The following PRICKLE2 variants were observed in gnomAD, a reference collection of about 807,000 sequenced individuals.
PRICKLE2 encodes prickle-like protein 2.
Under a neutral mutation model 81.4 loss-of-function variants are expected in PRICKLE2, and 21 were observed. The ratio of observed to expected loss-of-function variants is 0.26; its 90% confidence interval spans 0.18 to 0.37. The LOEUF is 0.37. Among genes scored for constraint, PRICKLE2 ranks in the 10% least tolerant of loss-of-function variants. The probability of loss-of-function intolerance (pLI) is 1.00; values close to 1 mark genes in which losing one functional copy is unlikely to be tolerated. For synonymous variants in PRICKLE2, 456 were observed against 421.5 expected, an observed-to-expected ratio of 1.08 and a Z score of -1.00; for missense variants, 940 against 1,109.0, an observed-to-expected ratio of 0.85 and a Z score of 2.16.
intron 2 of PRICKLE2, among the ~76,000 whole-genome samples, chr3:64,257,076 C>CAA (rs1381891335): frequency 2.6e-5 from 4 of 152,206 alleles, no homozygotes; most frequent in Non-Finnish European, 5.9e-5. Context: ...ACATGATATT[C>CAA]AACACATCAT....
chr3:64,113,875 A>G (rs2076891408), intron 7 of PRICKLE2, among the ~76,000 whole-genome samples: 1 of 152,072 alleles, frequency 6.6e-6, no homozygotes. Context: ...ACAACCACAC[A>G]CATAATCTCC....
intron 2 of PRICKLE2, among the ~76,000 whole-genome samples, chr3:64,165,940 GA>G (rs1241800020): frequency 6.6e-6 from 1 of 151,152 alleles, no homozygotes; most frequent in African/African-American, 2.4e-5. Context: ...GACTTCAGGG[GA>G]AAAATGGCAA....
rs935718783 is a variant in PRICKLE2, at chr3:64,092,660, C to A, written c.*6391G>T. The A allele has an allele frequency of 2.0e-5, 3 of 152,202 alleles. No individual in the cohort carries two copies. Among genetic ancestry groups the A allele is most frequent in the Non-Finnish European group, 2.9e-5 (2 of 68,038 alleles). The allele number at this position is 152,202 out of a possible 1,614,324, so 9.4% of individuals were successfully genotyped here. A position where few individuals can be genotyped will look rare whatever the true frequency, so the allele number is the denominator to read the frequency against. On this transcript the variant is annotated 3_prime_UTR_variant, in exon 8 of 8. Coordinates refer to ENST00000638394, the MANE Select transcript of PRICKLE2 (RefSeq NM_198859.4). Reference sequence around the variant, plus strand: ...TGGATGTAATTCTCCAGACAGACCACTTATTATTTGCTTAAAAGCAAACAC... The same window carrying A: ...TGGATGTAATTCTCCAGACAGACCAATTATTATTTGCTTAAAAGCAAACAC...
chr3:64,134,625 A>C (rs932082094), intron 7 of PRICKLE2, among the ~76,000 whole-genome samples: 4 of 148,302 alleles, frequency 2.7e-5, no homozygotes, highest in Non-Finnish European at 4.6e-5. Flanking sequence ...CAAACTTCGA[A>C]GTGTTCCCTG....
intron 2 of PRICKLE2, among the ~76,000 whole-genome samples, chr3:64,178,963 T>TTTTCTC (rs2078069833): frequency 9.0e-6 from 1 of 110,994 alleles, no homozygotes; most frequent in Non-Finnish European, 1.9e-5. Flanking sequence ...AACATACATA[T>TTTTCTC]TTTCTTTCTT....
chr3:64,159,889 G>A (rs765183537), intron 4 of PRICKLE2, 51 bp downstream of exon 4: 2 of 1,610,900 alleles, frequency 1.2e-6, no homozygotes, highest in Admixed American at 1.7e-5. Flanking sequence ...GAATGAATGG[G>A]TGAAAAGATG....
chr3:64,252,475 T>C (rs2079462095), intron 2 of PRICKLE2, among the ~76,000 whole-genome samples: 2 of 152,190 alleles, frequency 1.3e-5, no homozygotes, highest in African/African-American at 4.8e-5. Flanking sequence ...AACAGAGTAC[T>C]GGGCATGAGC....
chr3:64,113,703 G>A (rs772680698), intron 7 of PRICKLE2, among the ~76,000 whole-genome samples: 3 of 152,142 alleles, frequency 2.0e-5, no homozygotes, highest in Non-Finnish European at 4.4e-5. Flanking sequence ...CATAAAGCCA[G>A]CAAGCCCTGC....
intron 2 of PRICKLE2, among the ~76,000 whole-genome samples, chr3:64,244,498 C>A (rs1327882004): frequency 6.6e-6 from 1 of 151,986 alleles, no homozygotes; most frequent in Non-Finnish European, 1.5e-5. Context: ...TTTTCAATTA[C>A]CCTGGATTTA....
At chr3:64,252,503 C>T (rs897041319) in intron 2 of PRICKLE2, among the ~76,000 whole-genome samples, 3 of 152,172 alleles carry the variant, frequency 2.0e-5, no homozygotes, top group African/African-American at 7.2e-5. Context: ...ATCCCAACAT[C>T]GATTCTTTAC....
At chr3:64,192,213 G>A (rs2078356392) in intron 2 of PRICKLE2, among the ~76,000 whole-genome samples, 1 of 152,144 alleles carries the variant, frequency 6.6e-6, no homozygotes, top group Non-Finnish European at 1.5e-5. Context: ...TTCTACAGAG[G>A]ACCCCTGCCG....
intron 7 of PRICKLE2, among the ~76,000 whole-genome samples, chr3:64,117,558 T>C (rs1009640760): frequency 1.3e-4 from 20 of 151,892 alleles, no homozygotes; most frequent in African/African-American, 4.1e-4. Context: ...ATACCAACAA[T>C]AGTCAAGCCA....
intron 3 of PRICKLE2, among the ~76,000 whole-genome samples, chr3:64,161,323 T>C (rs2077729955): frequency 6.6e-6 from 1 of 152,238 alleles, no homozygotes; most frequent in Admixed American, 6.5e-5. Flanking sequence ...TCCCGTCTCC[T>C]GTTATACTTT....
chr3:64,156,817 A>T (rs147041324), intron 5 of PRICKLE2, among the ~76,000 whole-genome samples: 154 of 152,296 alleles, frequency 1.0e-3, no homozygotes, highest in African/African-American at 3.5e-3. Context: ...TTATTCCATG[A>T]GATTAGGGTT....
At chr3:64,149,901 G>C (rs2077516804) in intron 6 of PRICKLE2, among the ~76,000 whole-genome samples, 1 of 151,766 alleles carries the variant, frequency 6.6e-6, no homozygotes, top group Non-Finnish European at 1.5e-5. Flanking sequence ...TATAGGGATA[G>C]GAGCAGCCAC....
At chr3:64,188,781 C>A (rs182933351) in intron 2 of PRICKLE2, among the ~76,000 whole-genome samples, 139 of 152,284 alleles carry the variant, frequency 9.1e-4, no homozygotes, top group Admixed American at 3.6e-3. Flanking sequence ...ACCTATTGTC[C>A]AATGCCTGCT....
At chr3:64,140,050 G>A (rs1190256796) in intron 7 of PRICKLE2, among the ~76,000 whole-genome samples, 2 of 152,184 alleles carry the variant, frequency 1.3e-5, no homozygotes, top group African/African-American at 4.8e-5. Context: ...CCTTGCATAG[G>A]TGGCACCTAC....
chr3:64,263,255 C>T (rs1018726889), intron 2 of PRICKLE2, among the ~76,000 whole-genome samples: 2 of 152,204 alleles, frequency 1.3e-5, no homozygotes, highest in Non-Finnish European at 2.9e-5. Flanking sequence ...AAAGTGCCTT[C>T]TTGGACATTA....
intron 2 of PRICKLE2, among the ~76,000 whole-genome samples, chr3:64,259,300 C>T (rs2079582307): frequency 6.6e-6 from 1 of 152,068 alleles, no homozygotes; most frequent in Non-Finnish European, 1.5e-5. Flanking sequence ...CTAAGTGCAC[C>T]ACAAGTTTTA....
Sources: allele counts gnomAD v4.1 joint callset (sites outside exome capture counted in the v4.1 genomes callset), GRCh38; gene constraint gnomAD v4.1.1; transcripts MANE v1.5; gene names NCBI Gene and HGNC (gene_info 2026-07-23, HGNC 2026-07-21).